Variants in MAP3K8 observed in about 807,000 individuals in gnomAD.
MAP3K8 encodes Ewing sarcoma transformant.
Under a neutral mutation model 45.8 loss-of-function variants are expected in MAP3K8, and 22 were observed. That is an observed-to-expected ratio of 0.48 (90% confidence interval 0.34 to 0.69). The LOEUF (loss-of-function observed/expected upper bound fraction) is 0.69. Ranked by LOEUF, MAP3K8 falls within the 30% of genes least tolerant of loss-of-function variation. The pLI is 0.01. For missense variants in MAP3K8, 419 were observed against 585.0 expected, an observed-to-expected ratio of 0.72 and a Z score of 2.93; for synonymous variants, 223 against 214.3, an observed-to-expected ratio of 1.04 and a Z score of -0.36.
chr10:30,450,598 C>G, intron 5 of MAP3K8, 79 bp downstream of exon 5: 1 of 1,347,054 alleles, frequency 7.4e-7, no homozygotes. Flanking sequence ...TTCCTGTAAT[C>G]TGAAGACCCT....
chr10:30,444,967 T>C (rs1198817471), intron 3 of MAP3K8, among the ~76,000 whole-genome samples: 4 of 152,228 alleles, frequency 2.6e-5, no homozygotes, highest in Non-Finnish European at 5.9e-5. Context: ...ATAAAAATAG[T>C]AGTTAAGCTC....
At chr10:30,440,802 A>AT (rs995213954) in intron 3 of MAP3K8, among the ~76,000 whole-genome samples, 5 of 152,066 alleles carry the variant, frequency 3.3e-5, no homozygotes, top group South Asian at 4.2e-4. Context: ...TGGGAATTAA[A>AT]TTTTTTTTAA....
At chr10:30,448,497 G>C (rs1836424156) in intron 4 of MAP3K8, among the ~76,000 whole-genome samples, 1 of 151,020 alleles carries the variant, frequency 6.6e-6, no homozygotes, top group African/African-American at 2.4e-5. Context: ...CAGTGTCGGG[G>C]TCTCGGCTCA....
intron 5 of MAP3K8, 138 bp downstream of exon 5, chr10:30,450,657 C>T (rs1836505638): frequency 1.5e-6 from 1 of 688,900 alleles, no homozygotes; most frequent in Admixed American, 2.6e-5. Flanking sequence ...CTTCCTTCTC[C>T]AGAGACATAT....
chr10:30,443,478 G>C (rs1836187278), intron 3 of MAP3K8, among the ~76,000 whole-genome samples: 1 of 152,154 alleles, frequency 6.6e-6, no homozygotes, highest in Non-Finnish European at 1.5e-5. Context: ...CTGTGTGCAT[G>C]ACTTCTCATG....
chr10:30,451,360 T>C (rs1836532745), intron 5 of MAP3K8, among the ~76,000 whole-genome samples: 1 of 152,196 alleles, frequency 6.6e-6, no homozygotes, highest in African/African-American at 2.4e-5. Flanking sequence ...TTGACAACAG[T>C]ATGCTTATGT....
chr10:30,441,659 G>A (rs1836114730), intron 3 of MAP3K8, among the ~76,000 whole-genome samples: 1 of 152,160 alleles, frequency 6.6e-6, no homozygotes, highest in Non-Finnish European at 1.5e-5. Context: ...GTGGTCGATG[G>A]CTCTGGGGGG....
chr10:30,449,789 C>T (rs78009446), intron 4 of MAP3K8, among the ~76,000 whole-genome samples: 1 of 152,310 alleles, frequency 6.6e-6, no homozygotes, highest in Non-Finnish European at 1.5e-5. Context: ...GGATTACAGG[C>T]ATGAGCCACC....
At chr10:30,442,891 G>T (rs928063001) in intron 3 of MAP3K8, among the ~76,000 whole-genome samples, 1 of 152,120 alleles carries the variant, frequency 6.6e-6, no homozygotes, top group African/African-American at 2.4e-5. Context: ...CCAGCCCTCC[G>T]TCTAGTACTC....
intron 3 of MAP3K8, among the ~76,000 whole-genome samples, chr10:30,440,057 C>T (rs1836048014): frequency 6.6e-6 from 1 of 152,210 alleles, no homozygotes; most frequent in Non-Finnish European, 1.5e-5. Flanking sequence ...CACTCTCTTT[C>T]ATTGGCAAAG....
rs564013148 is a variant in MAP3K8 at position 30,450,368 on chromosome 10, C to G, written c.615C>G (p.Leu205=). 4.7e-5 allele frequency: 76 copies of G among 1,614,090 alleles called. 2 individuals carry two copies. The South Asian group carries it at 7.6e-4, about 16-fold the overall frequency. The part of the protein sequence containing the change: ...GAVLWGETVH[L]FMEAGEGGSV... Reference sequence around the variant, plus strand: ...TCCTGTGGGGTGAAACTGTCCATCTCTTTATGGAAGCAGGCGAGGGAGGGT... The same window carrying G: ...TCCTGTGGGGTGAAACTGTCCATCTGTTTATGGAAGCAGGCGAGGGAGGGT... Residue 205 remains leucine (L), a synonymous_variant, in exon 5 of 9, where the codon CTC becomes CTG. Coordinates refer to ENST00000263056, the MANE Select transcript of MAP3K8 (RefSeq NM_005204.4).
At chr10:30,458,870 T>G (rs1836835962) in intron 7 of MAP3K8, among the ~76,000 whole-genome samples, 1 of 152,078 alleles carries the variant, frequency 6.6e-6, no homozygotes, top group Non-Finnish European at 1.5e-5. Flanking sequence ...AGCCCAGAAA[T>G]TCAAGACCAG....
chr10:30,452,210 C>T (rs1836564845), intron 6 of MAP3K8, among the ~76,000 whole-genome samples: 1 of 152,002 alleles, frequency 6.6e-6, no homozygotes, highest in East Asian at 1.9e-4. Flanking sequence ...TGGCTCAAAC[C>T]TGTCATCCCA....
rs1226053519 is a variant in MAP3K8 at position 30,434,327 on chromosome 10, C to A, written c.-306C>A. The stretch of plus-strand genomic sequence containing the variant: ...TGCAGCCAGCATCGCACCGAACCTT[C>A]GGGGGGCCGCGGCTGGAGCGCTCGG... On this transcript the variant is annotated 5_prime_UTR_variant, in exon 1 of 9. Transcript: ENST00000263056. 6.7e-6 allele frequency: 3 copies of A among 449,356 alleles called. No homozygotes were observed. The highest frequency in any genetic ancestry group is 6.4e-5 in the African/African-American group (3 of 47,022). The allele number at this position is 449,356 out of a possible 1,614,324, so 27.8% of individuals were successfully genotyped here.
Position 30,459,348 on chromosome 10 carries a change from A to G in MAP3K8, c.1120A>G (p.Asn374Asp), listed in dbSNP as rs751754929. 9.9e-6 allele frequency: 16 copies of G among 1,614,034 alleles called. No homozygotes were observed. The highest frequency in any genetic ancestry group is 1.7e-5 in the Admixed American group (1 of 59,996). The change falls in exon 8 of 9, where the codon AAT becomes GAT. Residue 374 changes from asparagine (N) to aspartate (D), a missense_variant. Physicochemically the swap from Asn to Asp is conservative, Grantham distance 23 (BLOSUM62 1). Around this residue, in one of 3 missense-constraint regions of MAP3K8, gnomAD observed 108 missense variants for 124.2 expected, o/e 0.87. Transcript: ENST00000263056. ...AGAAGCTTCCCTGGAGAGAAACCCC[A>G]ATCACCGCCCAAGAGCCGCAGACCT... ...LIEASLERNP[N>D]HRPRAADLLK...
At chr10:30,447,120 G>A (rs1034214063) in intron 3 of MAP3K8, among the ~76,000 whole-genome samples, 1 of 152,170 alleles carries the variant, frequency 6.6e-6, no homozygotes, top group African/African-American at 2.4e-5. Context: ...CATGAACCCT[G>A]GGAGGTCAGG....
At chr10:30,436,855 A>C (rs1835927988) in intron 1 of MAP3K8, among the ~76,000 whole-genome samples, 1 of 149,470 alleles carries the variant, frequency 6.7e-6, no homozygotes, top group Non-Finnish European at 1.5e-5. Flanking sequence ...AGTCCAGGAG[A>C]CTTGGATCCT....
intron 6 of MAP3K8, among the ~76,000 whole-genome samples, chr10:30,453,161 A>G (rs1241786474): frequency 6.6e-6 from 1 of 152,198 alleles, no homozygotes. Context: ...TCACTCAGTG[A>G]CAGACCCTGG....
At chr10:30,434,844 C>A in intron 1 of MAP3K8, 1 of 935,096 alleles carries the variant, frequency 1.1e-6, no homozygotes, top group Non-Finnish European at 1.3e-6. Flanking sequence ...CTTAGAGAAC[C>A]AGGAGGAAAG....
Sources: allele counts gnomAD v4.1 joint callset (sites outside exome capture counted in the v4.1 genomes callset), GRCh38; gene constraint gnomAD v4.1.1; regional missense constraint gnomAD v4.1.1; transcripts MANE v1.5; gene names NCBI Gene and HGNC (gene_info 2026-07-23, HGNC 2026-07-21).